Variants in C1QTNF3 observed in about 807,000 individuals in gnomAD.
The protein encoded by C1QTNF3 is C1q and TNF related 3.
Under a neutral mutation model 32.6 loss-of-function variants are expected in C1QTNF3, and 26 were observed. That is an observed-to-expected ratio of 0.80 (90% CI 0.58 to 1.11). The LOEUF is 1.11. Ranked by LOEUF, C1QTNF3 falls within the 50% of genes least tolerant of loss-of-function variation. The pLI is 0.00. For missense variants in C1QTNF3, 362 were observed against 398.2 expected (o/e 0.91, Z 0.77); for synonymous variants, 155 against 146.0 (o/e 1.06, Z -0.44).
chr5:34,030,125 G>A (rs1180389369), intron 3 of C1QTNF3, among the ~76,000 whole-genome samples: 2 of 152,138 alleles, frequency 1.3e-5, no homozygotes, highest in African/African-American at 4.8e-5. Context: ...TATTAGAACA[G>A]CAAAAATTTC....
the C1QTNF3 span, chr5:34,239,385 C>G: frequency 6.6e-6 from 1 of 152,270 alleles, no homozygotes; most frequent in African/African-American, 2.4e-5. Context: ...CATCTGTAGT[C>G]TTCAAGAGAC....
At chr5:34,208,270 CCT>C in the C1QTNF3 span, among the ~76,000 whole-genome samples, 93 of 152,302 alleles carry the variant, frequency 6.1e-4, no homozygotes, top group Non-Finnish European at 8.4e-4. Context: ...TCTACTTGCC[CCT>C]GTTATAACAA....
At chr5:34,217,007 TTTA>T in the C1QTNF3 span, among the ~76,000 whole-genome samples, 7 of 152,144 alleles carry the variant, frequency 4.6e-5, no homozygotes, top group African/African-American at 1.4e-4. Flanking sequence ...AATTATTGTT[TTTA>T]TTATCTCCAG....
At chr5:34,233,809 A>G in the C1QTNF3 span, among the ~76,000 whole-genome samples, 1 of 152,132 alleles carries the variant, frequency 6.6e-6, no homozygotes, top group Non-Finnish European at 1.5e-5. Context: ...TTAATTTCAA[A>G]TTGATAATGT....
chr5:34,183,360 T>C, the C1QTNF3 span, among the ~76,000 whole-genome samples: 1 of 118,696 alleles, frequency 8.4e-6, no homozygotes, highest in African/African-American at 3.3e-5. Context: ...AGATGGAGTC[T>C]CACTCTGTCA....
At position 34,018,551 on chromosome 5, in the gene C1QTNF3, G is replaced by A. The variant is rs1754249936; in HGVS notation, c.*2032C>T. 6.6e-6 allele frequency among the ~76,000 whole-genome samples: 1 copy of A among 152,300 alleles called. No homozygotes were observed. Among genetic ancestry groups the A allele is most frequent in the South Asian group, 2.1e-4 (1 of 4,828 alleles). ...GGAATAGCACAGTATCTTGCATAAA[G>A]TAAATGTTTATGAATTCCAGCCACA... On this transcript the variant is annotated 3_prime_UTR_variant, in exon 6 of 6. Coordinates refer to ENST00000382065, the MANE Select transcript of C1QTNF3 (RefSeq NM_181435.6).
At chr5:34,025,972 A>G (rs1314343706) in intron 4 of C1QTNF3, among the ~76,000 whole-genome samples, 1 of 152,276 alleles carries the variant, frequency 6.6e-6, no homozygotes, top group Non-Finnish European at 1.5e-5. Flanking sequence ...TTTCTGACTT[A>G]AACTGAGTAG....
the C1QTNF3 span, among the ~76,000 whole-genome samples, chr5:34,106,960 ATTTGT>A: frequency 1.0e-5 from 1 of 100,154 alleles, no homozygotes; most frequent in Non-Finnish European, 2.0e-5. Flanking sequence ...ACTAAACCTA[ATTTGT>A]TTTATTATAA....
chr5:34,214,883 A>T, the C1QTNF3 span, among the ~76,000 whole-genome samples: 1 of 152,240 alleles, frequency 6.6e-6, no homozygotes, highest in East Asian at 1.9e-4. Context: ...CCTGGCAGGC[A>T]AATTGTTGCA....
the C1QTNF3 span, among the ~76,000 whole-genome samples, chr5:34,241,975 AG>A: frequency 5.3e-4 from 79 of 149,336 alleles, no homozygotes; most frequent in African/African-American, 1.9e-3. Flanking sequence ...GAAGGAAGGA[AG>A]GAAGGAAGGA....
At chr5:34,066,122 A>G in the C1QTNF3 span, among the ~76,000 whole-genome samples, 1 of 152,242 alleles carries the variant, frequency 6.6e-6, no homozygotes, top group African/African-American at 2.4e-5. Context: ...GCTTTTTAAC[A>G]TGCATGCTTG....
chr5:34,164,607 G>A, the C1QTNF3 span: 1 of 149,450 alleles, frequency 6.7e-6, no homozygotes, highest in South Asian at 2.1e-4. Flanking sequence ...CTACAAATAT[G>A]TTCATTATCG....
At chr5:34,028,631 T>C in intron 4 of C1QTNF3, 123 bp downstream of exon 4, 1 of 818,186 alleles carries the variant, frequency 1.2e-6, no homozygotes, top group East Asian at 3.0e-5. Context: ...TATTTCCTAC[T>C]CCCTTCCTCC....
the C1QTNF3 span, among the ~76,000 whole-genome samples, chr5:34,195,444 A>T: frequency 6.9e-6 from 1 of 144,540 alleles, no homozygotes; most frequent in Admixed American, 7.2e-5. Context: ...AATATTTAAA[A>T]AGCTGTCGTT....
chr5:34,234,458 T>C, the C1QTNF3 span, among the ~76,000 whole-genome samples: 1 of 152,146 alleles, frequency 6.6e-6, no homozygotes, highest in African/African-American at 2.4e-5. Flanking sequence ...CTTCACTGTG[T>C]AAACAACTTA....
chr5:34,058,292 A>T, the C1QTNF3 span, among the ~76,000 whole-genome samples: 5 of 151,984 alleles, frequency 3.3e-5, no homozygotes, highest in Admixed American at 6.6e-5. Context: ...GTGCTCCTGA[A>T]TTATGGTTTT....
the C1QTNF3 span, among the ~76,000 whole-genome samples, chr5:34,210,457 G>C: frequency 1.3e-5 from 2 of 150,418 alleles, no homozygotes; most frequent in Non-Finnish European, 3.0e-5. Context: ...TTACTGTGTT[G>C]CTTAGGACAT....
the C1QTNF3 span, among the ~76,000 whole-genome samples, chr5:34,236,909 G>T: frequency 6.6e-6 from 1 of 152,096 alleles, no homozygotes; most frequent in Non-Finnish European, 1.5e-5. Flanking sequence ...ACCTAATTAA[G>T]ATTGAGGCAG....
At chr5:34,078,031 TA>T in the C1QTNF3 span, among the ~76,000 whole-genome samples, 1 of 151,516 alleles carries the variant, frequency 6.6e-6, no homozygotes, top group African/African-American at 2.4e-5. This position sits in a 1 kb window ranked among gnomAD's most constrained non-coding sequence, Gnocchi z 4.0. Context: ...ACCATGGACT[TA>T]TTTTTTTTAT....
Sources: allele counts gnomAD v4.1 joint callset (sites outside exome capture counted in the v4.1 genomes callset), GRCh38; gene constraint gnomAD v4.1.1; non-coding constraint Gnocchi (gnomAD v3.1); transcripts MANE v1.5; gene names NCBI Gene and HGNC (gene_info 2026-07-23, HGNC 2026-07-21).